Variants in PLCXD3 observed in about 807,000 individuals in gnomAD.
The protein encoded by PLCXD3 is phosphatidylinositol specific phospholipase C X domain containing 3.
Under a neutral mutation model 25.5 loss-of-function variants are expected in PLCXD3, and 19 were observed. That is an observed-to-expected ratio of 0.75 (90% confidence interval 0.52 to 1.09). The LOEUF (loss-of-function observed/expected upper bound fraction) is 1.09. Ranked by LOEUF, PLCXD3 falls within the 50% of genes least tolerant of loss-of-function variation. PLCXD3 has a pLI of 0.00. For synonymous variants in PLCXD3, 174 were observed against 137.6 expected (o/e 1.26, Z -1.85); for missense variants, 411 against 388.1 (o/e 1.06, Z -0.50).
At chr5:41,489,018 G>A (rs1748586500) in intron 1 of PLCXD3, among the ~76,000 whole-genome samples, 1 of 152,262 alleles carries the variant, frequency 6.6e-6, no homozygotes, top group South Asian at 2.1e-4. Flanking sequence ...CCTATGTCCT[G>A]AATGGTAATG....
At chr5:41,440,249 T>G (rs111693145) in intron 1 of PLCXD3, among the ~76,000 whole-genome samples, 6,324 of 99,390 alleles carry the variant, frequency 0.064, 233 homozygotes, top group South Asian at 0.13. Context: ...TTTTTTTTTT[T>G]TTAGTCAGAG....
chr5:41,462,864 A>G (rs1242040282), intron 1 of PLCXD3, among the ~76,000 whole-genome samples: 2 of 151,996 alleles, frequency 1.3e-5, no homozygotes, highest in Admixed American at 6.6e-5. Flanking sequence ...AAAACTGCCC[A>G]TTTTCTTTGT....
intron 1 of PLCXD3, among the ~76,000 whole-genome samples, chr5:41,403,561 G>A (rs1284735954): frequency 3.3e-4 from 25 of 76,164 alleles, no homozygotes; most frequent in Non-Finnish European, 3.7e-4. Flanking sequence ...CCACTCCCCC[G>A]ACCCCACCAC....
intron 2 of PLCXD3, among the ~76,000 whole-genome samples, chr5:41,317,612 C>G (rs1445260417): frequency 6.6e-6 from 1 of 151,832 alleles, no homozygotes; most frequent in African/African-American, 2.4e-5. Flanking sequence ...CAAATAGGTT[C>G]AAGACAACAC....
chr5:41,496,575 T>A (rs1251978666), intron 1 of PLCXD3, among the ~76,000 whole-genome samples: 2 of 147,724 alleles, frequency 1.4e-5, no homozygotes, highest in African/African-American at 2.5e-5. Context: ...GAGCACAATA[T>A]CTGACAAAAC....
chr5:41,488,060 C>T (rs370044977), intron 1 of PLCXD3, among the ~76,000 whole-genome samples: 3 of 110,946 alleles, frequency 2.7e-5, no homozygotes, highest in Non-Finnish European at 3.7e-5. Flanking sequence ...AAAGCTATCC[C>T]TCCCCCCTCC....
chr5:41,315,272 T>A (rs546632091), intron 2 of PLCXD3, among the ~76,000 whole-genome samples: 1 of 151,974 alleles, frequency 6.6e-6, no homozygotes, highest in South Asian at 2.1e-4. Flanking sequence ...TAAAGAAAGT[T>A]TGAGGGAAAT....
chr5:41,481,959 A>G (rs1051073889), intron 1 of PLCXD3, among the ~76,000 whole-genome samples: 8 of 152,200 alleles, frequency 5.3e-5, no homozygotes, highest in African/African-American at 1.9e-4. Flanking sequence ...CCACAAGAAT[A>G]AGGACCTAAG....
intron 2 of PLCXD3, among the ~76,000 whole-genome samples, chr5:41,348,904 A>G (rs1451048835): frequency 2.0e-5 from 3 of 152,328 alleles, no homozygotes; most frequent in East Asian, 1.9e-4. Context: ...AAAATTTGCC[A>G]AAAGAAGTGA....
At chr5:41,402,958 T>TTCA (rs1746230322) in intron 1 of PLCXD3, among the ~76,000 whole-genome samples, 1 of 152,136 alleles carries the variant, frequency 6.6e-6, no homozygotes, top group Non-Finnish European at 1.5e-5. Flanking sequence ...AGTCTGACAA[T>TTCA]GTCTGCTTTT....
chr5:41,328,446 A>G (rs1743695428), intron 2 of PLCXD3, among the ~76,000 whole-genome samples: 2 of 152,020 alleles, frequency 1.3e-5, no homozygotes, highest in African/African-American at 2.4e-5. Flanking sequence ...GTGCTGTCAT[A>G]CAAGACTGGT....
chr5:41,318,136 A>T (rs1002048810), intron 2 of PLCXD3, among the ~76,000 whole-genome samples: 27 of 152,196 alleles, frequency 1.8e-4, no homozygotes, highest in Non-Finnish European at 1.0e-4. Flanking sequence ...TCCCAGATAA[A>T]CAAAAGCTGA....
intron 1 of PLCXD3, among the ~76,000 whole-genome samples, chr5:41,383,533 A>G (rs1490121622): frequency 6.6e-6 from 1 of 152,144 alleles, no homozygotes; most frequent in East Asian, 1.9e-4. Flanking sequence ...ATTCTTAGGC[A>G]TAACCCACTG....
intron 1 of PLCXD3, among the ~76,000 whole-genome samples, chr5:41,388,335 G>C (rs1745704558): frequency 6.6e-6 from 1 of 152,014 alleles, no homozygotes; most frequent in Admixed American, 6.6e-5. Flanking sequence ...AGGAAAACAT[G>C]TGCACTTCTA....
In PLCXD3 at chr5:41,382,167, T is replaced by C. The variant is rs1382516641; in HGVS notation, c.471A>G (p.Lys157=). 1 of 1,613,594 alleles carries C rather than the reference T, an allele frequency of 6.2e-7. No individual in the cohort carries two copies. Among genetic ancestry groups the C allele is most frequent in the East Asian group, 2.2e-5 (1 of 44,862 alleles). The change falls in exon 2 of 3, where the codon AAA becomes AAG. Residue 157 remains lysine, a synonymous_variant. Transcript: ENST00000377801. ...FYGMQKYHHE[K]LVQMLKDIYG... ...AGATGTCTTTCAGCATTTGGACCAG[T>C]TTTTCATGGTGATATTTCTGCATCC...
At chr5:41,363,860 A>G (rs1225393589) in intron 2 of PLCXD3, among the ~76,000 whole-genome samples, 1 of 152,136 alleles carries the variant, frequency 6.6e-6, no homozygotes, top group Non-Finnish European at 1.5e-5. Flanking sequence ...GTCAGTAGAC[A>G]CTAAAAATGT....
intron 1 of PLCXD3, among the ~76,000 whole-genome samples, chr5:41,445,051 A>C (rs1375583440): frequency 6.6e-6 from 1 of 152,238 alleles, no homozygotes; most frequent in African/African-American, 2.4e-5. Context: ...GCTTTCTCTG[A>C]ACACAGCTCC....
At chr5:41,319,895 A>G (rs1345520537) in intron 2 of PLCXD3, among the ~76,000 whole-genome samples, 1 of 152,170 alleles carries the variant, frequency 6.6e-6, no homozygotes, top group African/African-American at 2.4e-5. Flanking sequence ...ATCCAAATAA[A>G]TAAATAAAAT....
chr5:41,327,946 C>T (rs930977767), intron 2 of PLCXD3, among the ~76,000 whole-genome samples: 2 of 152,122 alleles, frequency 1.3e-5, no homozygotes, highest in South Asian at 2.1e-4. Flanking sequence ...GCTGGGATTA[C>T]AGGCCTGAGC....
Sources: gnomAD v4.1 joint callset for allele counts (sites outside exome capture counted in the v4.1 genomes callset) on GRCh38, gnomAD v4.1.1 for gene constraint, MANE v1.5 for transcripts, NCBI Gene and HGNC (gene_info 2026-07-23, HGNC 2026-07-21) for gene names.